Variants in MYCBP2 observed in about 807,000 individuals in gnomAD.
The protein encoded by MYCBP2 is MYC binding protein 2.
A neutral mutation model predicts 525.3 loss-of-function variants in MYCBP2; 120 were observed. That is an observed-to-expected ratio of 0.23 (90% CI 0.20 to 0.27). The LOEUF is 0.27. Among genes scored for constraint, MYCBP2 ranks in the 10% least tolerant of loss-of-function variants. The pLI, the probability that MYCBP2 is intolerant of heterozygous loss-of-function variation, is 1.00. For missense variants in MYCBP2, 4,149 were observed against 5,657.1 expected, an observed-to-expected ratio of 0.73 and a Z score of 8.55; for synonymous variants, 1,894 against 1,955.8, an observed-to-expected ratio of 0.97 and a Z score of 0.83.
At chr13:77,281,251 T>C (rs757887247) in intron 3 of MYCBP2, among the ~76,000 whole-genome samples, 1 of 152,130 alleles carries the variant, frequency 6.6e-6, no homozygotes, top group Non-Finnish European at 1.5e-5. Flanking sequence ...AATGTGTACA[T>C]AGAAAAAATG....
At chr13:77,191,361 G>A (rs1481241519) in intron 28 of MYCBP2, among the ~76,000 whole-genome samples, 1 of 151,878 alleles carries the variant, frequency 6.6e-6, no homozygotes, top group Non-Finnish European at 1.5e-5. Flanking sequence ...TCTTTTTTAT[G>A]GTTCCAAACT....
intron 1 of MYCBP2, among the ~76,000 whole-genome samples, chr13:77,299,748 AGAATGTCTG>A (rs1567197589): frequency 1.3e-5 from 2 of 152,214 alleles, no homozygotes; most frequent in Non-Finnish European, 2.9e-5. Context: ...AGCTTAATGA[AGAATGTCTG>A]GAATTGGTCC....
At position 77,185,147 on chromosome 13, in the gene MYCBP2, A is replaced by C. The variant is rs2060608412; in HGVS notation, c.4675T>G (p.Leu1559Val). 1 of 1,614,014 alleles carries C rather than the reference A, an allele frequency of 6.2e-7. No individual in the cohort carries two copies. The highest frequency in any genetic ancestry group is 8.5e-7 in the Non-Finnish European group (1 of 1,180,006). ...AGATCACAAAGGCAAGCCCACTGTA[A>C]GGCAGGAGTTGGGTAGAAAGAATGA... is the stretch of plus-strand genomic sequence containing the variant. Reference protein sequence around the residue: ...CFHSFYPTPALQWACLCDLLN... With the variant: ...CFHSFYPTPAVQWACLCDLLN... Residue 1559 changes from leucine (L) to valine (V), a missense_variant, in exon 32 of 83, where the codon TTA becomes GTA. Leu to Val is a conservative substitution (Grantham distance 32, BLOSUM62 1). This residue lies in a region of MYCBP2 where 292 missense variants were observed against 330.5 expected (regional missense o/e 0.88). Coordinates refer to ENST00000544440, the MANE Select transcript of MYCBP2 (RefSeq NM_015057.5).
intron 65 of MYCBP2, among the ~76,000 whole-genome samples, chr13:77,079,204 C>T (rs1353077491): frequency 1.3e-5 from 2 of 152,118 alleles, no homozygotes; most frequent in Non-Finnish European, 2.9e-5. Context: ...CTGCTTGTCA[C>T]TTATGTCAGA....
chr13:77,259,536 A>G (rs1303227211), intron 13 of MYCBP2, among the ~76,000 whole-genome samples: 1 of 152,116 alleles, frequency 6.6e-6, no homozygotes, highest in East Asian at 1.9e-4. Flanking sequence ...ACAAGAACCC[A>G]CTCCCAAATT....
chr13:77,130,477 A>G (rs193125571), intron 52 of MYCBP2, among the ~76,000 whole-genome samples: 1 of 152,096 alleles, frequency 6.6e-6, no homozygotes, highest in East Asian at 1.9e-4. Flanking sequence ...ACATAAATAT[A>G]TACTAATTCA....
intron 1 of MYCBP2, among the ~76,000 whole-genome samples, chr13:77,297,187 CA>C (rs765673804): frequency 7.9e-5 from 12 of 152,156 alleles, no homozygotes; most frequent in Non-Finnish European, 1.8e-4. Flanking sequence ...ATTCTTTAAG[CA>C]AAAGGAAGCC....
At chr13:77,122,725 A>C (rs1433122230) in intron 54 of MYCBP2, among the ~76,000 whole-genome samples, 1 of 151,854 alleles carries the variant, frequency 6.6e-6, no homozygotes, top group African/African-American at 2.4e-5. Flanking sequence ...TAGTCCTTTA[A>C]ACAGAACAGG....
chr13:77,097,285 C>G, intron 56 of MYCBP2, 85 bp downstream of exon 56: 1 of 1,508,674 alleles, frequency 6.6e-7, no homozygotes, highest in East Asian at 2.3e-5. Flanking sequence ...TATCCTTTGA[C>G]AAAATTCATA....
Position 77,176,642 on chromosome 13 carries a change from A to G in MYCBP2, c.5341-14T>C. ...TGCATGTTCACTCTAAAAAAAAAAA[A>G]TGAAACACAAAAATTCCAACAGACT... On this transcript the variant is annotated splice_polypyrimidine_tract_variant and intron_variant, in intron 35 of 82. Coordinates refer to ENST00000544440, the MANE Select transcript of MYCBP2 (RefSeq NM_015057.5). The G allele has an allele frequency of 6.8e-7, 1 of 1,478,078 alleles. No homozygotes were observed. The highest frequency in any genetic ancestry group is 1.8e-4 in the Middle Eastern group (1 of 5,512). The allele number at this position is 1,478,078 out of a possible 1,614,324, so 91.6% of individuals were successfully genotyped here.
chr13:77,218,947 T>C (rs551256040), intron 20 of MYCBP2, among the ~76,000 whole-genome samples: 5 of 152,272 alleles, frequency 3.3e-5, no homozygotes, highest in Admixed American at 2.0e-4. Context: ...AAAGAGATGG[T>C]GACTTTGATA....
At chr13:77,284,244 A>G (rs2076499267) in intron 3 of MYCBP2, among the ~76,000 whole-genome samples, 1 of 152,146 alleles carries the variant, frequency 6.6e-6, no homozygotes, top group Non-Finnish European at 1.5e-5. Flanking sequence ...AAGGAAAAAA[A>G]AAAAAGAGTA....
In MYCBP2 at chr13:77,051,804, T is replaced by G. The variant is rs546840585; in HGVS notation, c.13755+7A>C. 6.2e-7 allele frequency: 1 copy of G among 1,606,048 alleles called. No individual in the cohort carries two copies. Among genetic ancestry groups the G allele is most frequent in the South Asian group, 1.1e-5 (1 of 90,438 alleles). Reference sequence around the variant, plus strand: ...AACTGTTGTTTCTAATAAAATGTTCTGCCTACCTGAGCCCTGGAAACATCA... The same window carrying G: ...AACTGTTGTTTCTAATAAAATGTTCGGCCTACCTGAGCCCTGGAAACATCA... On this transcript the variant is annotated splice_region_variant and intron_variant, in intron 81 of 82. Coordinates refer to ENST00000544440, the MANE Select transcript of MYCBP2 (RefSeq NM_015057.5).
intron 33 of MYCBP2, among the ~76,000 whole-genome samples, chr13:77,181,471 AC>A (rs756526614): frequency 4.8e-4 from 73 of 152,264 alleles, no homozygotes; most frequent in South Asian, 6.2e-4. Flanking sequence ...GTGTGATTAA[AC>A]CGTTAGAGCA....
intron 46 of MYCBP2, among the ~76,000 whole-genome samples, chr13:77,152,726 C>T (rs756828988): frequency 6.6e-6 from 1 of 152,118 alleles, no homozygotes; most frequent in East Asian, 1.9e-4. Flanking sequence ...TCACACCATG[C>T]CCTTTCTAGC....
At chr13:77,121,290 A>G in intron 55 of MYCBP2, 83 bp downstream of exon 55, 2 of 1,215,226 alleles carry the variant, frequency 1.6e-6, no homozygotes, top group Non-Finnish European at 2.2e-6. Flanking sequence ...TTCTGGGTGA[A>G]CACAAATAAA....
At chr13:77,260,040 C>T (rs2072992836) in intron 13 of MYCBP2, among the ~76,000 whole-genome samples, 1 of 152,166 alleles carries the variant, frequency 6.6e-6, no homozygotes, top group African/African-American at 2.4e-5. Context: ...CAGATCATCC[C>T]AGCCAAACAC....
At chr13:77,210,327 G>C (rs2154280428) in intron 23 of MYCBP2, among the ~76,000 whole-genome samples, 1 of 151,764 alleles carries the variant, frequency 6.6e-6, no homozygotes, top group Non-Finnish European at 1.5e-5. Flanking sequence ...CGAGTAGCTG[G>C]GATTACAGGT....
At chr13:77,076,398 G>C (rs577232728) in intron 68 of MYCBP2, among the ~76,000 whole-genome samples, 47 of 152,118 alleles carry the variant, frequency 3.1e-4, no homozygotes, top group Non-Finnish European at 3.8e-4. Context: ...TTCATGAAGA[G>C]GATAAATCGT....
Sources: allele counts gnomAD v4.1 joint callset (sites outside exome capture counted in the v4.1 genomes callset), GRCh38; gene constraint gnomAD v4.1.1; regional missense constraint gnomAD v4.1.1; transcripts MANE v1.5; gene names NCBI Gene and HGNC (gene_info 2026-07-23, HGNC 2026-07-21).